PRKG1: variants seen among roughly 807,000 people sequenced by gnomAD.
PRKG1 encodes cGMP-dependent protein kinase 1.
In PRKG1, 35 loss-of-function variants were observed where a neutral mutation model predicts 88.1. That is an observed-to-expected ratio of 0.40 (90% CI 0.30 to 0.53). PRKG1 has a LOEUF of 0.53. Among genes scored for constraint, PRKG1 ranks in the 20% least tolerant of loss-of-function variants. The pLI, the probability that PRKG1 is intolerant of heterozygous loss-of-function variation, is 0.59. For missense variants in PRKG1, 540 were observed against 839.8 expected, an observed-to-expected ratio of 0.64 and a Z score of 4.41; for synonymous variants, 303 against 292.5, an observed-to-expected ratio of 1.04 and a Z score of -0.37.
chr10:52,019,660 G>A (rs1845132051), intron 5 of PRKG1, among the ~76,000 whole-genome samples: 1 of 152,152 alleles, frequency 6.6e-6, no homozygotes, highest in African/African-American at 2.4e-5. Context: ...GGCAAATTCA[G>A]CTCCCATGGA....
chr10:51,933,996 G>A (rs1427006251), intron 5 of PRKG1, among the ~76,000 whole-genome samples: 1 of 152,092 alleles, frequency 6.6e-6, no homozygotes, highest in Non-Finnish European at 1.5e-5. Flanking sequence ...TTTGTTTTGA[G>A]TGAGCAGATT....
chr10:51,957,217 CT>C (rs1843332093), intron 5 of PRKG1, among the ~76,000 whole-genome samples: 1 of 140,434 alleles, frequency 7.1e-6, no homozygotes, highest in Non-Finnish European at 1.5e-5. Flanking sequence ...CTACCTCCCT[CT>C]CCTCTCTCTC....
At chr10:51,257,480 A>G (rs976499262) in intron 2 of PRKG1, among the ~76,000 whole-genome samples, 3 of 152,182 alleles carry the variant, frequency 2.0e-5, no homozygotes, top group Non-Finnish European at 4.4e-5. Context: ...TGCATCAGAA[A>G]CTGACTTAAA....
At chr10:52,080,777 G>T (rs1399783980) in intron 7 of PRKG1, among the ~76,000 whole-genome samples, 1 of 151,570 alleles carries the variant, frequency 6.6e-6, no homozygotes, top group Non-Finnish European at 1.5e-5. Context: ...TTTATTTAAA[G>T]TCTCTAGCAT....
intron 9 of PRKG1, among the ~76,000 whole-genome samples, chr10:52,183,302 G>A (rs1039110987): frequency 1.3e-5 from 2 of 152,196 alleles, no homozygotes; most frequent in Admixed American, 1.3e-4. Flanking sequence ...GCAGGACAGA[G>A]TCATTTATGC....
intron 3 of PRKG1, among the ~76,000 whole-genome samples, chr10:51,666,746 T>C (rs1212928077): frequency 6.6e-6 from 1 of 152,184 alleles, no homozygotes; most frequent in Non-Finnish European, 1.5e-5. Context: ...AAGCAATTGT[T>C]AAATGTGTTC....
chr10:52,245,699 G>T (rs900525287), intron 9 of PRKG1, among the ~76,000 whole-genome samples: 1 of 151,966 alleles, frequency 6.6e-6, no homozygotes, highest in African/African-American at 2.4e-5. Context: ...ATGAGTCCAG[G>T]CAAAGCCAGG....
rs375437753 is a variant in PRKG1 at position 51,110,074 on chromosome 10, G to A, written c.311+35173G>A. Reference sequence around the variant, plus strand: ...ATGATCATACTAAGTCAGAAGAAACGAACTTATACACTGACGGTGGGAATG... The same window carrying A: ...ATGATCATACTAAGTCAGAAGAAACAAACTTATACACTGACGGTGGGAATG... On this transcript the variant is annotated intron_variant, in intron 1 of 17. Coordinates refer to ENST00000373980, the MANE Select transcript of PRKG1 (RefSeq NM_006258.4). Among the ~76,000 whole-genome samples, 32 of 152,090 alleles carry A rather than the reference G, an allele frequency of 2.1e-4. No individual in the cohort carries two copies. In the East Asian group the frequency reaches 3.3e-3, roughly 16 times the overall value.
At chr10:51,473,262 A>G (rs1840099221) in intron 3 of PRKG1, among the ~76,000 whole-genome samples, 1 of 151,916 alleles carries the variant, frequency 6.6e-6, no homozygotes, top group Non-Finnish European at 1.5e-5. Flanking sequence ...TACATAACAG[A>G]CTAACATGAA....
At chr10:51,890,383 G>C (rs977473269) in intron 4 of PRKG1, among the ~76,000 whole-genome samples, 1 of 152,080 alleles carries the variant, frequency 6.6e-6, no homozygotes, top group Non-Finnish European at 1.5e-5. Flanking sequence ...AAAACTTACA[G>C]GTATCTTAGG....
chr10:51,597,825 A>C (rs1370832683), intron 3 of PRKG1, among the ~76,000 whole-genome samples: 1 of 152,218 alleles, frequency 6.6e-6, no homozygotes, highest in Non-Finnish European at 1.5e-5. Context: ...GACATTCCTC[A>C]AAAGAATGAG....
chr10:51,240,548 G>A (rs888557622), intron 2 of PRKG1, among the ~76,000 whole-genome samples: 1 of 152,154 alleles, frequency 6.6e-6, no homozygotes, highest in African/African-American at 2.4e-5. Flanking sequence ...AGTTCTGAAG[G>A]TCAGGAACTC....
chr10:51,596,885 G>C (rs1838462932), intron 3 of PRKG1, among the ~76,000 whole-genome samples: 1 of 152,102 alleles, frequency 6.6e-6, no homozygotes, highest in Admixed American at 6.5e-5. Flanking sequence ...GGCCAGTGCT[G>C]TTCCAACAGC....
chr10:51,663,142 G>A (rs542661850), intron 3 of PRKG1, among the ~76,000 whole-genome samples: 1 of 152,168 alleles, frequency 6.6e-6, no homozygotes, highest in Admixed American at 6.6e-5. Flanking sequence ...CAATGAGAAA[G>A]GGAAAGAGAA....
chr10:51,336,181 C>A (rs1246039635), intron 2 of PRKG1, among the ~76,000 whole-genome samples: 1 of 151,760 alleles, frequency 6.6e-6, no homozygotes, highest in Non-Finnish European at 1.5e-5. Flanking sequence ...GGAGAAACCC[C>A]ATCTCTACTA....
intron 3 of PRKG1, among the ~76,000 whole-genome samples, chr10:51,803,008 C>G (rs1470385951): frequency 6.6e-6 from 1 of 152,126 alleles, no homozygotes; most frequent in African/African-American, 2.4e-5. Flanking sequence ...CCCAGTTACT[C>G]TTTGCCCACC....
chr10:51,021,380 C>T (rs894610857), intron 1 of PRKG1, among the ~76,000 whole-genome samples: 2 of 152,178 alleles, frequency 1.3e-5, no homozygotes, highest in Admixed American at 1.3e-4. Context: ...CACCCTCTTG[C>T]TTCCCATAGC....
chr10:51,288,701 A>G (rs1047134257), intron 2 of PRKG1, among the ~76,000 whole-genome samples: 4 of 152,194 alleles, frequency 2.6e-5, no homozygotes, highest in African/African-American at 9.6e-5. Flanking sequence ...AATAATAATG[A>G]GTTTAATAAG....
At chr10:51,248,130 T>G (rs1180902403) in intron 2 of PRKG1, among the ~76,000 whole-genome samples, 1 of 151,892 alleles carries the variant, frequency 6.6e-6, no homozygotes, top group African/African-American at 2.4e-5. Context: ...AAAACTAAAC[T>G]ACATACATTG....
Sources: gnomAD v4.1 joint callset for allele counts (sites outside exome capture counted in the v4.1 genomes callset) on GRCh38, gnomAD v4.1.1 for gene constraint, MANE v1.5 for transcripts, NCBI Gene and HGNC (gene_info 2026-07-23, HGNC 2026-07-21) for gene names.